NR1D1: variants seen among roughly 807,000 people sequenced by gnomAD.
The protein encoded by NR1D1 is nuclear receptor subfamily 1 group D member 1, also known as Rev-ErbAalpha.
A neutral mutation model predicts 51.1 loss-of-function variants in NR1D1; 17 were observed. The ratio of observed to expected loss-of-function variants is 0.33; its 90% CI spans 0.23 to 0.50. The LOEUF is 0.50. Ranked by LOEUF, NR1D1 falls within the 20% of genes least tolerant of loss-of-function variation. NR1D1 has a pLI of 0.98. For synonymous variants in NR1D1, 341 were observed against 333.4 expected (o/e 1.02, Z -0.25); for missense variants, 647 against 830.4 (o/e 0.78, Z 2.71).
At chr17:40,094,221 A>G in intron 6 of NR1D1, 99 bp from the exon 7 acceptor site, 1 of 1,046,106 alleles carries the variant, frequency 9.6e-7, no homozygotes, top group South Asian at 1.3e-5. Context: ...GCTGCCTTCG[A>G]TTTCTCAGTA....
intron 4 of NR1D1, 136 bp from the exon 5 acceptor site, chr17:40,096,223 C>T: frequency 1.5e-5 from 20 of 1,368,250 alleles, no homozygotes; most frequent in Non-Finnish European, 2.0e-5. Context: ...AGTCCCCACC[C>T]ATCAAGGGGG....
chr17:40,093,415 G>A lies in NR1D1; in HGVS notation c.1646-133C>T. 6.3e-7 allele frequency: 1 copy of A among 1,594,630 alleles called. No homozygotes were observed. Among genetic ancestry groups the A allele is most frequent in the East Asian group, 2.2e-5 (1 of 44,460 alleles). Reference sequence around the variant, plus strand: ...CAGAAGGCCGATGGGGAAGGAGAAGGAGTGCCATACCTTCTCCCAGGCCTC... The same window carrying A: ...CAGAAGGCCGATGGGGAAGGAGAAGAAGTGCCATACCTTCTCCCAGGCCTC... On this transcript the variant is annotated intron_variant, in intron 7 of 7. Coordinates refer to ENST00000246672, the MANE Select transcript of NR1D1 (RefSeq NM_021724.5). The surrounding 1 kb of genome is among the most constrained non-coding windows in gnomAD (Gnocchi z 5.9).
chr17:40,095,996 G>A lies in NR1D1; in HGVS notation c.696C>T (p.Ser232=), dbSNP rs1987754274. ...GTGAAGTCTCCAGCGGGCACTGGCT[G>A]CTCAACTGGTTGTTGGCCAGGTTCA... is the stretch of plus-strand genomic sequence containing the variant. ...SAMNLANNQL[S]SQCPLETSPT... Residue 232 remains serine (S), a synonymous_variant, in exon 5 of 8, where the codon AGC becomes AGT. Transcript: ENST00000246672. 4 of 1,612,724 alleles carry A rather than the reference G, an allele frequency of 2.5e-6. No homozygotes were observed. Among genetic ancestry groups the A allele is most frequent in the Non-Finnish European group, 3.4e-6 (4 of 1,179,984 alleles).
At chr17:40,096,135 G>A (rs748021892) in intron 4 of NR1D1, 48 bp from the exon 5 acceptor site, 51 of 1,583,684 alleles carry the variant, frequency 3.2e-5, no homozygotes, top group African/African-American at 1.1e-4. Context: ...CCATGCTCAC[G>A]TGCTTCTCTT....
chr17:40,095,326 C>G (rs985320526), intron 5 of NR1D1, 118 bp downstream of exon 5: 6 of 1,333,944 alleles, frequency 4.5e-6, no homozygotes, highest in Non-Finnish European at 6.1e-6. Context: ...ACATTTTCTC[C>G]TGGGAAGATG....
chr17:40,097,339 G>A lies in NR1D1; in HGVS notation c.96C>T (p.Leu32=), dbSNP rs772744241. The stretch of plus-strand genomic sequence containing the variant: ...AGCTGCCATTGGAGTTGTCACTATA[G>A]AGGGATTCAGGGCTGGTGCGGCTTG... ...SSPSRTSPES[L]YSDNSNGSFQ... The change falls in exon 2 of 8, where the codon CTC becomes CTT. Residue 32 remains leucine, a synonymous_variant. Transcript: ENST00000246672. 10 of 1,613,976 alleles carry A rather than the reference G, an allele frequency of 6.2e-6. No individual in the cohort carries two copies. The Admixed American group carries it at 1.5e-4, about 24-fold the overall frequency.
chr17:40,097,604 G>T (rs1598403594), intron 1 of NR1D1, among the ~76,000 whole-genome samples: 2 of 152,162 alleles, frequency 1.3e-5, no homozygotes, highest in Admixed American at 1.3e-4. Context: ...ACGACCCTTT[G>T]CAGGCCACCT....
In NR1D1 at chr17:40,095,435, T is replaced by C; in HGVS notation, c.1248+9A>G. ...TTCTTAACGCACTCGCCCGCCCCCA[T>C]GCCCTTACCAGCAGAACATTCTTTG... On this transcript the variant is annotated intron_variant, in intron 5 of 7. Transcript: ENST00000246672. 6.6e-7 allele frequency: 1 copy of C among 1,521,832 alleles called. No individual in the cohort carries two copies. The highest frequency in any genetic ancestry group is 8.8e-7 in the Non-Finnish European group (1 of 1,135,488). 94.3% of individuals were successfully genotyped at this position (1,521,832 alleles called of 1,614,324 possible).
Position 40,093,586 on chromosome 17 carries a change from C to T in NR1D1, c.1646-304G>A. 1.2e-6 allele frequency: 1 copy of T among 816,566 alleles called. No individual in the cohort carries two copies. The highest frequency in any genetic ancestry group is 1.9e-6 in the Non-Finnish European group (1 of 535,402). The allele number at this position is 816,566 out of a possible 1,614,324, so 50.6% of individuals were successfully genotyped here. On this transcript the variant is annotated intron_variant, in intron 7 of 7. Coordinates refer to ENST00000246672, the MANE Select transcript of NR1D1 (RefSeq NM_021724.5). This position sits in a 1 kb window ranked among gnomAD's most constrained non-coding sequence, Gnocchi z 5.9. ...CTTTTTGCTGTGTAGTTCCCTCTGC[C>T]TGGGATGCCCTTCCCCCTTTCTCTG...
intron 1 of NR1D1, 67 bp from the exon 2 acceptor site, chr17:40,097,470 CTCA>C: frequency 7.7e-7 from 1 of 1,301,340 alleles, no homozygotes. Flanking sequence ...TGCCACTGTG[CTCA>C]TCCCCACCTG....
At position 40,093,094 on chromosome 17, in the gene NR1D1, C is replaced by A; in HGVS notation, c.1834G>T (p.Asp612Tyr). ...GCCGGCCGGGCGGGTCACTGGGCGT[C>A]CACCCGGAAGGACAGCAGCTTCTCG... ...HSEKLLSFRVDAQ is the reference protein window; with the variant it reads ...HSEKLLSFRVYAQ Residue 612 changes from aspartate to tyrosine, a missense_variant, in exon 8 of 8, where the codon GAC becomes TAC. This residue lies in a region of NR1D1 where 155 missense variants were observed against 236.8 expected (regional missense o/e 0.65). Transcript: ENST00000246672. This position sits in a 1 kb window ranked among gnomAD's most constrained non-coding sequence, Gnocchi z 5.9. The A allele has an allele frequency of 6.2e-7, 1 of 1,614,108 alleles. No individual in the cohort carries two copies. The highest frequency in any genetic ancestry group is 8.5e-7 in the Non-Finnish European group (1 of 1,180,028).
In NR1D1 at chr17:40,097,090, G is replaced by A; in HGVS notation, c.345C>T (p.Pro115=). 4 of 1,603,752 alleles carry A rather than the reference G, an allele frequency of 2.5e-6. No individual in the cohort carries two copies. The highest frequency in any genetic ancestry group is 3.4e-6 in the Non-Finnish European group (4 of 1,174,458). ...VAMEDSSRVS[P]SKSTSNITKL... is the part of the protein sequence containing the mutation. The stretch of plus-strand genomic sequence containing the variant: ...TGGTGATGTTGCTGGTGCTCTTGCT[G>A]GGGGACACTCGGCTGCTGTCCTCCA... Residue 115 remains proline (P), a synonymous_variant, in exon 2 of 8, where the codon CCC becomes CCT. Transcript: ENST00000246672.
Position 40,093,590 on chromosome 17 carries a change from G to A in NR1D1, c.1646-308C>T, listed in dbSNP as rs960858702. 2.5e-6 allele frequency: 2 copies of A among 812,960 alleles called. No homozygotes were observed. The highest frequency in any genetic ancestry group is 3.8e-6 in the Non-Finnish European group (2 of 532,432). 50.4% of individuals were successfully genotyped at this position (812,960 alleles called of 1,614,324 possible). ...TTGCTGTGTAGTTCCCTCTGCCTGG[G>A]ATGCCCTTCCCCCTTTCTCTGCCTG... On this transcript the variant is annotated intron_variant, in intron 7 of 7. Coordinates refer to ENST00000246672, the MANE Select transcript of NR1D1 (RefSeq NM_021724.5). This position sits in a 1 kb window ranked among gnomAD's most constrained non-coding sequence, Gnocchi z 5.9.
At position 40,100,299 on chromosome 17, in the gene NR1D1, T is replaced by C. The variant is rs1161965427; in HGVS notation, c.-205A>G. ...AGGGTTGGACGTTGAGGCAACGGAG[T>C]TCTGCTTTGCATGGGAAGAGCAGAG... On this transcript the variant is annotated 5_prime_UTR_variant, in exon 1 of 8. Transcript: ENST00000246672. 3.2e-6 allele frequency: 2 copies of C among 624,764 alleles called. No individual in the cohort carries two copies. Among genetic ancestry groups the C allele is most frequent in the Admixed American group, 5.4e-5 (2 of 37,018 alleles). The allele number at this position is 624,764 out of a possible 1,614,324, so 38.7% of individuals were successfully genotyped here.
Position 40,093,275 on chromosome 17 carries a change from C to T in NR1D1, c.1653G>A (p.Ser551=), listed in dbSNP as rs201037953. The change falls in exon 8 of 8, where the codon TCG becomes TCA. Residue 551 remains serine, a synonymous_variant. Transcript: ENST00000246672. The surrounding 1 kb of genome is among the most constrained non-coding windows in gnomAD (Gnocchi z 5.9). ...TAVVLVSADR[S]GMENSASVEQ... Reference sequence around the variant, plus strand: ...CCACCGAAGCGGAATTCTCCATGCCCGAGCGGTCTGTGGGGAAGACGACAG... The same window carrying T: ...CCACCGAAGCGGAATTCTCCATGCCTGAGCGGTCTGTGGGGAAGACGACAG... 1.1e-5 allele frequency: 18 copies of T among 1,613,556 alleles called. No individual in the cohort carries two copies. In the East Asian group the frequency reaches 1.3e-4, roughly 12 times the overall value.
At chr17:40,095,387 C>T in intron 5 of NR1D1, 57 bp downstream of exon 5, 1 of 1,508,794 alleles carries the variant, frequency 6.6e-7, no homozygotes, top group Non-Finnish European at 8.9e-7. Flanking sequence ...ACACTAAGTC[C>T]ATTCTGCCAG....
Position 40,100,483 on chromosome 17 carries a change from G to A in NR1D1, c.-389C>T, listed in dbSNP as rs2145107446. 1 of 454,620 alleles carries A rather than the reference G, an allele frequency of 2.2e-6. No homozygotes were observed. The highest frequency in any genetic ancestry group is 3.4e-5 in the East Asian group (1 of 29,844). The allele number at this position is 454,620 out of a possible 1,614,324, so 28.2% of individuals were successfully genotyped here. A position where few individuals can be genotyped will look rare whatever the true frequency, so the allele number is the denominator to read the frequency against. On this transcript the variant is annotated 5_prime_UTR_variant, in exon 1 of 8. Coordinates refer to ENST00000246672, the MANE Select transcript of NR1D1 (RefSeq NM_021724.5). The stretch of plus-strand genomic sequence containing the variant: ...GGTGCAAAAGTCCCAGAGGAAGAGA[G>A]GTTGCAACCAGGAAGTAAGTAGGTG...
Position 40,095,850 on chromosome 17 carries a change from G to A in NR1D1, c.842C>T (p.Pro281Leu). ...QQLTPPRSPS[P>L]EPTVEDVISQ... ...TATCACATCCTCCACTGTGGGCTCA[G>A]GGCTTGGGGATCTGGGAGGCGTCAG... is the stretch of plus-strand genomic sequence containing the variant. The change falls in exon 5 of 8, where the codon CCT (proline) becomes CTT (leucine). Residue 281 changes from proline (P) to leucine (L), a missense_variant. Pro to Leu is a moderately conservative substitution (Grantham distance 98, BLOSUM62 -3). Transcript: ENST00000246672. The A allele has an allele frequency of 6.2e-7, 1 of 1,614,076 alleles. No individual in the cohort carries two copies. Among genetic ancestry groups the A allele is most frequent in the South Asian group, 1.1e-5 (1 of 91,090 alleles).
At chr17:40,099,147 T>C (rs1433648862) in intron 1 of NR1D1, among the ~76,000 whole-genome samples, 1 of 152,066 alleles carries the variant, frequency 6.6e-6, no homozygotes, top group African/African-American at 2.4e-5. Flanking sequence ...CTGCTCCACG[T>C]GTGCCTCTCG....
Sources: allele counts gnomAD v4.1 joint callset (sites outside exome capture counted in the v4.1 genomes callset), GRCh38; gene constraint gnomAD v4.1.1; regional missense constraint gnomAD v4.1.1; non-coding constraint Gnocchi (gnomAD v3.1); transcripts MANE v1.5; gene names NCBI Gene and HGNC (gene_info 2026-07-23, HGNC 2026-07-21).